The following SKP2 variants were observed in gnomAD, a reference collection of about 807,000 sequenced individuals.
SKP2 encodes S-phase kinase-associated protein 2.
SKP2 carries 16 observed loss-of-function variants against 51.8 expected under a neutral mutation model. The observed-to-expected ratio is 0.31, with a 90% confidence interval of 0.21 to 0.47. SKP2 has a LOEUF of 0.47. Among genes scored for constraint, SKP2 ranks in the 20% least tolerant of loss-of-function variants. SKP2 has a pLI of 1.00. For synonymous variants in SKP2, 176 were observed against 198.6 expected, an observed-to-expected ratio of 0.89 and a Z score of 0.96; for missense variants, 377 against 505.3, an observed-to-expected ratio of 0.75 and a Z score of 2.43.
intron 7 of SKP2, 147 bp from the exon 8 acceptor site, chr5:36,176,818 A>T (rs1264158970): frequency 2.0e-6 from 1 of 504,326 alleles, no homozygotes; most frequent in Middle Eastern, 2.9e-4. Context: ...ATGTTCCAAG[A>T]TGATCATTTT....
intron 9 of SKP2, chr5:36,180,376 C>T (rs4869622): frequency 0.044 from 26,236 of 589,950 alleles, 951 homozygotes; most frequent in East Asian, 0.16. Flanking sequence ...TACTTAATGA[C>T]AGCAATTTGT....
intron 2 of SKP2, among the ~76,000 whole-genome samples, 171 bp downstream of exon 2, chr5:36,153,213 GATATATATATATATAT>G (rs3038049): frequency 6.8e-5 from 10 of 147,624 alleles, no homozygotes; most frequent in East Asian, 4.1e-4. Flanking sequence ...AATCTTGGTA[GATATATATATATATAT>G]ATATATATAT....
intron 3 of SKP2, among the ~76,000 whole-genome samples, 167 bp downstream of exon 3, chr5:36,163,923 G>A (rs544563857): frequency 2.8e-4 from 42 of 152,324 alleles, no homozygotes; most frequent in African/African-American, 9.6e-4. Context: ...CACAGTGGAA[G>A]AGGAATTTCC....
downstream of SKP2, among the ~76,000 whole-genome samples, chr5:36,188,477 C>T (rs552665877): frequency 1.1e-3 from 171 of 152,224 alleles, no homozygotes; most frequent in African/African-American, 3.9e-3. Context: ...TTTATTTTTC[C>T]TTCACTTATG....
chr5:36,164,864 C>T (rs1226222964), intron 3 of SKP2, among the ~76,000 whole-genome samples: 1 of 152,206 alleles, frequency 6.6e-6, no homozygotes, highest in Non-Finnish European at 1.5e-5. Context: ...GAAATGGCTG[C>T]TATCATTAAC....
Position 36,183,743 on chromosome 5 carries a change from A to G in SKP2, c.*1712A>G. On this transcript the variant is annotated 3_prime_UTR_variant, in exon 10 of 10. Coordinates refer to ENST00000274255, the MANE Select transcript of SKP2 (RefSeq NM_005983.4). ...AAGTGCCTTTATCTGCTTAGACCTA[A>G]GGAAGATTTTAAAGTTGGGTTGCAC... 6.9e-7 allele frequency: 1 copy of G among 1,453,934 alleles called. No homozygotes were observed. 90.1% of individuals were successfully genotyped at this position (1,453,934 alleles called of 1,614,324 possible). A position where few individuals can be genotyped will look rare whatever the true frequency, so the allele number is the denominator to read the frequency against.
intron 8 of SKP2, 43 bp downstream of exon 8, chr5:36,177,059 C>T: frequency 1.4e-6 from 2 of 1,437,360 alleles, no homozygotes; most frequent in Non-Finnish European, 1.9e-6. Flanking sequence ...GTTGAAAAAT[C>T]TTGATTTCTC....
chr5:36,180,182 C>T (rs1200328109), intron 9 of SKP2: 2 of 843,516 alleles, frequency 2.4e-6, no homozygotes, highest in Non-Finnish European at 3.6e-6. Context: ...CAGAATGGCT[C>T]ACAATTTGGC....
intron 2 of SKP2, among the ~76,000 whole-genome samples, chr5:36,157,499 A>G (rs464812): frequency 0.77 from 116,569 of 151,680 alleles, 46,710 homozygotes; most frequent in Non-Finnish European, 0.89. Flanking sequence ...CCCAAAGCCA[A>G]CATGGCCTCA....
At chr5:36,163,862 C>A in intron 3 of SKP2, 106 bp downstream of exon 3, 2 of 706,368 alleles carry the variant, frequency 2.8e-6, no homozygotes. Context: ...AATAGAGCAG[C>A]GCAAAGCAAA....
In SKP2 at chr5:36,163,749, C is replaced by T. The variant is rs1465988061; in HGVS notation, c.385C>T (p.Arg129Cys). The change falls in exon 3 of 10, where the codon CGC (arginine) becomes TGC (cysteine). Residue 129 changes from arginine (R) to cysteine (C), a missense_variant. By Grantham distance (180) the Arg-to-Cys change is radical (BLOSUM62 -3). Transcript: ENST00000274255. ...KVSGVCKRWY[R>C]LASDESLWQT... The stretch of plus-strand genomic sequence containing the variant: ...CTCTGGTGTTTGTAAGAGGTGGTAT[C>T]GCCTAGCGTAAGTATTTTTCACCCC... 1 of 1,603,712 alleles carries T rather than the reference C, an allele frequency of 6.2e-7. No homozygotes were observed. The highest frequency in any genetic ancestry group is 8.5e-7 in the Non-Finnish European group (1 of 1,170,556).
chr5:36,163,679 C>G lies in SKP2; in HGVS notation c.315C>G (p.Leu105=). ...VSWDSLPDEL[L]LGIFSCLCLP... is the part of the protein sequence containing the mutation. Reference sequence around the variant, plus strand: ...GGGACTCCCTTCCGGATGAGCTGCTCTTGGGAATCTTTTCCTGTCTGTGCC... The same window carrying G: ...GGGACTCCCTTCCGGATGAGCTGCTGTTGGGAATCTTTTCCTGTCTGTGCC... The change falls in exon 3 of 10, where the codon CTC becomes CTG. Residue 105 remains leucine, a synonymous_variant. Transcript: ENST00000274255. 1 of 1,613,996 alleles carries G rather than the reference C, an allele frequency of 6.2e-7. No homozygotes were observed. Among genetic ancestry groups the G allele is most frequent in the Non-Finnish European group, 8.5e-7 (1 of 1,179,908 alleles).
intron 6 of SKP2, among the ~76,000 whole-genome samples, chr5:36,190,160 T>G (rs430421): frequency 0.93 from 142,144 of 152,144 alleles, 66,808 homozygotes; most frequent in Non-Finnish European, 0.98. Flanking sequence ...CTGACCCCTT[T>G]CACTTCCCAG....
intron 9 of SKP2, among the ~76,000 whole-genome samples, chr5:36,178,738 TG>T (rs1745712073): frequency 6.6e-6 from 1 of 152,092 alleles, no homozygotes; most frequent in Admixed American, 6.6e-5. Flanking sequence ...CTTTTTGGGT[TG>T]CTTTTCTCAA....
downstream of SKP2, among the ~76,000 whole-genome samples, chr5:36,187,928 G>A (rs1013874896): frequency 1.6e-4 from 24 of 152,108 alleles, no homozygotes; most frequent in Admixed American, 3.3e-4. Context: ...CCTGTATTGG[G>A]TGCATATATA....
At chr5:36,168,477 A>C (rs753142056) in intron 5 of SKP2, 30 bp downstream of exon 5, 2 of 1,611,654 alleles carry the variant, frequency 1.2e-6, no homozygotes, top group South Asian at 2.2e-5. Flanking sequence ...TCACAAAGGC[A>C]GTTGATTTTA....
intron 4 of SKP2, among the ~76,000 whole-genome samples, chr5:36,167,690 G>A (rs766116860): frequency 3.3e-5 from 5 of 151,878 alleles, no homozygotes; most frequent in Non-Finnish European, 7.4e-5. Context: ...GCGTGATCTC[G>A]GCTCATTGCA....
At chr5:36,179,110 A>G (rs189611575) in intron 9 of SKP2, among the ~76,000 whole-genome samples, 237 of 152,238 alleles carry the variant, frequency 1.6e-3, no homozygotes, top group African/African-American at 5.6e-3. Flanking sequence ...AGAAGAAGAA[A>G]GATCCTGTCC....
At chr5:36,176,894 G>T (rs1745650489) in intron 7 of SKP2, 71 bp from the exon 8 acceptor site, 20 of 932,966 alleles carry the variant, frequency 2.1e-5, no homozygotes, top group Non-Finnish European at 8.5e-6. Flanking sequence ...TTCAATGATA[G>T]TAGTGATAAC....
Sources: gnomAD v4.1 joint callset for allele counts (sites outside exome capture counted in the v4.1 genomes callset) on GRCh38, gnomAD v4.1.1 for gene constraint, MANE v1.5 for transcripts, NCBI Gene and HGNC (gene_info 2026-07-23, HGNC 2026-07-21) for gene names.